The following SPOCK3 variants were observed in gnomAD, a reference collection of about 807,000 sequenced individuals.
The protein encoded by SPOCK3 is testican-3.
SPOCK3 carries 30 observed loss-of-function variants against 56.6 expected under a neutral mutation model. That is an observed-to-expected ratio of 0.53 (90% CI 0.40 to 0.72). The LOEUF is 0.72. SPOCK3 is among the 30% of genes least tolerant of loss of function. SPOCK3 has a pLI of 0.00. For missense variants in SPOCK3, 527 were observed against 530.0 expected, an observed-to-expected ratio of 0.99 and a Z score of 0.06; for synonymous variants, 196 against 183.3, an observed-to-expected ratio of 1.07 and a Z score of -0.56.
intron 6 of SPOCK3, among the ~76,000 whole-genome samples, chr4:166,798,390 G>T (rs1033766976): frequency 6.6e-6 from 1 of 152,092 alleles, no homozygotes; most frequent in East Asian, 1.9e-4. Flanking sequence ...CCAGTAAGAG[G>T]CCCGTTAGAG....
At chr4:167,196,696 T>C (rs757109118) in intron 2 of SPOCK3, among the ~76,000 whole-genome samples, 1 of 152,104 alleles carries the variant, frequency 6.6e-6, no homozygotes, top group Non-Finnish European at 1.5e-5. Context: ...TTGATGTTTG[T>C]TGACAAAAAT....
chr4:166,738,370 AG>A (rs1734436432), intron 9 of SPOCK3, among the ~76,000 whole-genome samples: 1 of 152,170 alleles, frequency 6.6e-6, no homozygotes, highest in East Asian at 1.9e-4. Flanking sequence ...CATGGTCGAG[AG>A]GGAACACAGT....
intron 2 of SPOCK3, among the ~76,000 whole-genome samples, chr4:167,074,641 T>G (rs950081146): frequency 3.9e-5 from 6 of 151,934 alleles, no homozygotes; most frequent in Non-Finnish European, 8.8e-5. Flanking sequence ...GCATTGTTTT[T>G]GGAGAAGTGA....
At chr4:166,987,602 T>C (rs1747309744) in intron 4 of SPOCK3, among the ~76,000 whole-genome samples, 1 of 152,156 alleles carries the variant, frequency 6.6e-6, no homozygotes, top group Non-Finnish European at 1.5e-5. Flanking sequence ...TAAACAAGTT[T>C]TGAGTAAATG....
At chr4:167,182,790 C>A (rs1014832586) in intron 2 of SPOCK3, among the ~76,000 whole-genome samples, 2 of 152,156 alleles carry the variant, frequency 1.3e-5, no homozygotes, top group Non-Finnish European at 2.9e-5. Flanking sequence ...CCCGCCTCAG[C>A]CTCCCAAAGT....
intron 2 of SPOCK3, chr4:167,083,201 C>A: frequency 1.3e-6 from 1 of 765,082 alleles, no homozygotes; most frequent in Non-Finnish European, 2.4e-6. Context: ...CATAGAATTG[C>A]CACAAAATTT....
chr4:166,748,145 C>T (rs1212138783), intron 8 of SPOCK3, among the ~76,000 whole-genome samples: 1 of 142,768 alleles, frequency 7.0e-6, no homozygotes, highest in Non-Finnish European at 1.5e-5. Context: ...CTTTAAAGTT[C>T]ATATGGAATC....
chr4:167,190,267 C>A (rs1732366435), intron 2 of SPOCK3, among the ~76,000 whole-genome samples: 1 of 145,430 alleles, frequency 6.9e-6, no homozygotes. Flanking sequence ...TTTTTGACAC[C>A]CTCACCAACA....
rs72699627 is a variant in SPOCK3 at position 167,079,748 on chromosome 4, A to G, written c.190-17211T>C. Among the ~76,000 whole-genome samples, 896 of 152,196 alleles carry G rather than the reference A, an allele frequency of 5.9e-3. 3 individuals are homozygous for G. Among genetic ancestry groups the G allele is most frequent in the Non-Finnish European group, 9.5e-3 (646 of 67,974 alleles). ...AAATTCGATATCAAACACTTTTAAG[A>G]AAAAGTAAATGGGATTTTATGGTGT... On this transcript the variant is annotated intron_variant, in intron 2 of 10. Transcript: ENST00000357545.
At chr4:167,010,302 C>G (rs188958946) in intron 3 of SPOCK3, among the ~76,000 whole-genome samples, 1 of 152,040 alleles carries the variant, frequency 6.6e-6, no homozygotes, top group Non-Finnish European at 1.5e-5. Flanking sequence ...GGGCAGATCA[C>G]TTGAGCTCAA....
At chr4:167,188,434 GA>G (rs1412806155) in intron 2 of SPOCK3, among the ~76,000 whole-genome samples, 2 of 145,562 alleles carry the variant, frequency 1.4e-5, no homozygotes, top group African/African-American at 5.3e-5. Flanking sequence ...GGAACGATAA[GA>G]AAAAAGGTCT....
At chr4:166,773,344 T>C (rs1739168630) in intron 7 of SPOCK3, among the ~76,000 whole-genome samples, 1 of 152,202 alleles carries the variant, frequency 6.6e-6, no homozygotes, top group Non-Finnish European at 1.5e-5. Flanking sequence ...ATGTTCAATA[T>C]TTAAGCTAAA....
At chr4:167,085,962 G>T (rs1758158755) in intron 2 of SPOCK3, among the ~76,000 whole-genome samples, 1 of 151,990 alleles carries the variant, frequency 6.6e-6, no homozygotes, top group African/African-American at 2.4e-5. Context: ...GATTACAATG[G>T]TGATGTGGGA....
At chr4:166,956,329 A>C (rs1269455057) in intron 4 of SPOCK3, among the ~76,000 whole-genome samples, 1 of 152,148 alleles carries the variant, frequency 6.6e-6, no homozygotes, top group Admixed American at 6.6e-5. Context: ...AAAATGGAGC[A>C]ATTATAGCAA....
chr4:166,886,863 CCT>C (rs748247388), intron 6 of SPOCK3, among the ~76,000 whole-genome samples: 1 of 152,012 alleles, frequency 6.6e-6, no homozygotes, highest in Non-Finnish European at 1.5e-5. Flanking sequence ...TTATATTTCC[CCT>C]GTCTCTCAGC....
intron 4 of SPOCK3, among the ~76,000 whole-genome samples, chr4:166,963,697 T>C (rs1203142637): frequency 6.6e-6 from 1 of 152,002 alleles, no homozygotes; most frequent in Non-Finnish European, 1.5e-5. Flanking sequence ...AAAATGTTGT[T>C]GACTTCCTTT....
chr4:167,146,960 C>T (rs1764014638), intron 2 of SPOCK3, among the ~76,000 whole-genome samples: 2 of 152,012 alleles, frequency 1.3e-5, no homozygotes, highest in Non-Finnish European at 2.9e-5. Flanking sequence ...TAACTAAGAT[C>T]AGACCGGAAC....
intron 4 of SPOCK3, among the ~76,000 whole-genome samples, chr4:166,975,132 C>A (rs1745801784): frequency 6.6e-6 from 1 of 152,050 alleles, no homozygotes; most frequent in Admixed American, 6.6e-5. Context: ...AGCAGCTGAC[C>A]AGATGTAGCT....
At chr4:166,893,658 T>C (rs1411897705) in intron 5 of SPOCK3, among the ~76,000 whole-genome samples, 2 of 152,120 alleles carry the variant, frequency 1.3e-5, no homozygotes, top group African/African-American at 2.4e-5. Flanking sequence ...TAATCAGCAA[T>C]AGAAATAGCA....
Sources: gnomAD v4.1 joint callset for allele counts (sites outside exome capture counted in the v4.1 genomes callset) on GRCh38, gnomAD v4.1.1 for gene constraint, MANE v1.5 for transcripts, NCBI Gene and HGNC (gene_info 2026-07-23, HGNC 2026-07-21) for gene names.